The following EPSTI1 variants were observed in gnomAD, a reference collection of about 807,000 sequenced individuals.
EPSTI1 encodes the protein epithelial stromal interaction 1.
EPSTI1 carries 66 observed loss-of-function variants against 49.9 expected under a neutral mutation model. The observed-to-expected ratio is 1.32, with a 90% confidence interval of 1.08 to 1.62. The LOEUF is 1.62. EPSTI1 is among the 40% of genes most tolerant of loss of function. The probability of loss-of-function intolerance (pLI) is 0.00; values close to 1 mark genes in which losing one functional copy is unlikely to be tolerated. For missense variants in EPSTI1, 394 were observed against 365.5 expected, an observed-to-expected ratio of 1.08 and a Z score of -0.64; for synonymous variants, 137 against 130.7, an observed-to-expected ratio of 1.05 and a Z score of -0.33.
At chr13:42,917,867 A>T (rs887115109) in intron 7 of EPSTI1, among the ~76,000 whole-genome samples, 5 of 152,218 alleles carry the variant, frequency 3.3e-5, no homozygotes, top group African/African-American at 1.2e-4. Flanking sequence ...ATTTGAAAGG[A>T]TGATCTAAAT....
intron 8 of EPSTI1, among the ~76,000 whole-genome samples, chr13:42,901,878 C>T (rs1357257691): frequency 2.2e-4 from 34 of 152,168 alleles, no homozygotes; most frequent in African/African-American, 4.3e-4. Context: ...AACTCGTCAT[C>T]TAGCATTAGG....
At chr13:42,944,470 G>A (rs769341709) in intron 6 of EPSTI1, among the ~76,000 whole-genome samples, 4 of 152,050 alleles carry the variant, frequency 2.6e-5, no homozygotes, top group Admixed American at 1.3e-4. Context: ...GTTGAACAAC[G>A]AGAACACATG....
At chr13:42,955,583 T>C (rs887781006) in intron 5 of EPSTI1, among the ~76,000 whole-genome samples, 1 of 152,054 alleles carries the variant, frequency 6.6e-6, no homozygotes, top group Non-Finnish European at 1.5e-5. Context: ...GGGCGGATCA[T>C]CTGAGGTCAG....
At chr13:42,961,637 A>C (rs2039453770) in intron 5 of EPSTI1, among the ~76,000 whole-genome samples, 1 of 152,230 alleles carries the variant, frequency 6.6e-6, no homozygotes, top group Admixed American at 6.5e-5. Context: ...AAATGCTGGC[A>C]AGGAATCCAG....
At position 42,969,175 on chromosome 13, in the gene EPSTI1, C is replaced by A; in HGVS notation, c.250G>T (p.Ala84Ser). Residue 84 changes from alanine to serine, a missense_variant and splice_region_variant, in exon 3 of 11, where the codon GCG becomes TCG. By Grantham distance (99) the Ala-to-Ser change is moderately conservative (BLOSUM62 1). Transcript: ENST00000313624. ...INRRNEIQRI[A>S]EQELANLEKW... ...TCCAGGTTGGCCAGCTCCTGCTCCG[C>A]AACTAAGCCAGGCGAGAAATATCAA... 6.2e-7 allele frequency: 1 copy of A among 1,613,874 alleles called. No homozygotes were observed. Among genetic ancestry groups the A allele is most frequent in the Non-Finnish European group, 8.5e-7 (1 of 1,179,994 alleles).
chr13:42,989,714 C>T (rs2040159538), intron 1 of EPSTI1, among the ~76,000 whole-genome samples: 1 of 151,556 alleles, frequency 6.6e-6, no homozygotes, highest in South Asian at 2.1e-4. Flanking sequence ...CTGCCTCAGC[C>T]TCCCAAGTAG....
At chr13:42,911,316 G>C (rs564609741) in intron 8 of EPSTI1, among the ~76,000 whole-genome samples, 1 of 151,956 alleles carries the variant, frequency 6.6e-6, no homozygotes, top group South Asian at 2.1e-4. Flanking sequence ...TCCTTTATCA[G>C]ATTGTGACAT....
At chr13:42,979,373 T>C (rs1026962981) in intron 1 of EPSTI1, among the ~76,000 whole-genome samples, 2 of 152,004 alleles carry the variant, frequency 1.3e-5, no homozygotes, top group African/African-American at 4.8e-5. Context: ...GGTCAGGAGA[T>C]GGAGACCATC....
Position 42,913,326 on chromosome 13 carries a change from C to T in EPSTI1, c.741+4215G>A, listed in dbSNP as rs575309012. Among the ~76,000 whole-genome samples the T allele has an allele frequency of 2.1e-4, 32 of 151,870 alleles. No homozygotes were observed. In the South Asian group the frequency reaches 2.9e-3, roughly 14 times the overall value. The stretch of plus-strand genomic sequence containing the variant: ...ACTCAAAATCTACTTTAAACAATGA[C>T]ACAGAGATGTTAAAATTAAATGATT... On this transcript the variant is annotated intron_variant, in intron 8 of 10. Transcript: ENST00000313624.
chr13:42,923,787 T>C (rs2038090696), intron 7 of EPSTI1, among the ~76,000 whole-genome samples: 1 of 152,222 alleles, frequency 6.6e-6, no homozygotes, highest in Non-Finnish European at 1.5e-5. Context: ...TTGTAACCAC[T>C]AAAGGATTTT....
At chr13:42,936,582 G>A (rs998965501) in intron 6 of EPSTI1, among the ~76,000 whole-genome samples, 3 of 152,212 alleles carry the variant, frequency 2.0e-5, no homozygotes, top group African/African-American at 4.8e-5. Context: ...GTATCTACCC[G>A]AACTCTACAT....
At position 42,959,447 on chromosome 13, in the gene EPSTI1, T is replaced by C. The variant is rs1186010090; in HGVS notation, c.489+3808A>G. Among the ~76,000 whole-genome samples the C allele has an allele frequency of 2.6e-5, 4 of 152,356 alleles. No homozygotes were observed. In the East Asian group the frequency reaches 7.7e-4, roughly 29 times the overall value. On this transcript the variant is annotated intron_variant, in intron 5 of 10. Coordinates refer to ENST00000313624, the MANE Select transcript of EPSTI1 (RefSeq NM_033255.5). ...AACAACATTGAAATAACTTCCTCAA[T>C]GTTGAGTTTACCCCTAAAATTGTTC...
chr13:42,973,915 A>G (rs1013439449), intron 1 of EPSTI1, among the ~76,000 whole-genome samples: 8 of 152,248 alleles, frequency 5.3e-5, no homozygotes, highest in African/African-American at 1.7e-4. Context: ...AAAGATCTCA[A>G]TTTGTAAGAT....
intron 6 of EPSTI1, among the ~76,000 whole-genome samples, chr13:42,941,248 T>C (rs1262874448): frequency 2.0e-5 from 3 of 152,212 alleles, no homozygotes; most frequent in Non-Finnish European, 4.4e-5. Flanking sequence ...TCATTCATAG[T>C]TGAAGTCCTA....
At chr13:42,989,740 C>T (rs1049736637) in intron 1 of EPSTI1, among the ~76,000 whole-genome samples, 122 of 150,430 alleles carry the variant, frequency 8.1e-4, no homozygotes, top group African/African-American at 2.9e-3. Context: ...ACTACAGGCG[C>T]CTGCCACCAT....
At chr13:42,956,113 C>CTTT (rs2039263728) in intron 5 of EPSTI1, among the ~76,000 whole-genome samples, 1 of 152,108 alleles carries the variant, frequency 6.6e-6, no homozygotes, top group Non-Finnish European at 1.5e-5. Flanking sequence ...TTGCAAATAA[C>CTTT]AGTAAGAATG....
At chr13:42,976,443 TA>T (rs1391708649) in intron 1 of EPSTI1, among the ~76,000 whole-genome samples, 1 of 152,184 alleles carries the variant, frequency 6.6e-6, no homozygotes, top group African/African-American at 2.4e-5. Context: ...CCTGAGGCCC[TA>T]GGGGGACTCT....
At chr13:42,905,130 G>T (rs1046507063) in intron 8 of EPSTI1, among the ~76,000 whole-genome samples, 1 of 152,076 alleles carries the variant, frequency 6.6e-6, no homozygotes, top group Non-Finnish European at 1.5e-5. Flanking sequence ...ATAAAAGAGC[G>T]AAACACCACA....
At chr13:42,911,216 T>TGA (rs35097953) in intron 8 of EPSTI1, among the ~76,000 whole-genome samples, 3,768 of 151,514 alleles carry the variant, frequency 0.025, 97 homozygotes, top group East Asian at 0.1. Flanking sequence ...GGTCTATCTG[T>TGA]GAGAGAGAGA....
Sources: gnomAD v4.1 joint callset for allele counts (sites outside exome capture counted in the v4.1 genomes callset) on GRCh38, gnomAD v4.1.1 for gene constraint, MANE v1.5 for transcripts, NCBI Gene and HGNC (gene_info 2026-07-23, HGNC 2026-07-21) for gene names.